CFAP43: variants seen among roughly 807,000 people sequenced by gnomAD.
CFAP43 encodes the protein cilia- and flagella-associated protein 43.
A neutral mutation model predicts 218.9 loss-of-function variants in CFAP43; 155 were observed. The ratio of observed to expected loss-of-function variants is 0.71; its 90% CI spans 0.62 to 0.81. The LOEUF (loss-of-function observed/expected upper bound fraction) is 0.81, where lower values mean the gene tolerates loss of function less well. CFAP43 is among the 30% of genes least tolerant of loss of function. CFAP43 has a pLI of 0.00. For synonymous variants in CFAP43, 645 were observed against 681.3 expected, an observed-to-expected ratio of 0.95 and a Z score of 0.83; for missense variants, 1,778 against 1,954.3, an observed-to-expected ratio of 0.91 and a Z score of 1.70.
intron 16 of CFAP43, among the ~76,000 whole-genome samples, chr10:104,183,294 C>A (rs953034601): frequency 3.9e-5 from 6 of 152,058 alleles, no homozygotes; most frequent in African/African-American, 1.4e-4. Context: ...ACAGATGCTA[C>A]AGACCCCCTA....
At chr10:104,210,835 G>C (rs1176545766) in intron 5 of CFAP43, among the ~76,000 whole-genome samples, 2 of 124,174 alleles carry the variant, frequency 1.6e-5, no homozygotes, top group Non-Finnish European at 3.1e-5. Context: ...CTGTCGCCCA[G>C]GCTGGAGTGC....
chr10:104,135,683 A>T (rs925015737), intron 34 of CFAP43, among the ~76,000 whole-genome samples: 13 of 152,220 alleles, frequency 8.5e-5, no homozygotes, highest in African/African-American at 3.1e-4. Flanking sequence ...AAGTGTGTGT[A>T]CAAAGAAACC....
At chr10:104,146,131 T>A (rs1421268607) in intron 30 of CFAP43, 132 bp downstream of exon 30, 1 of 635,430 alleles carries the variant, frequency 1.6e-6, no homozygotes, top group Admixed American at 3.1e-5. Flanking sequence ...TAGAATGAAG[T>A]TCACCCATAG....
At position 104,179,833 on chromosome 10, in the gene CFAP43, C is replaced by T. The variant is rs766142826; in HGVS notation, c.2382+7G>A. 1 of 1,610,150 alleles carries T rather than the reference C, an allele frequency of 6.2e-7. No individual in the cohort carries two copies. Among genetic ancestry groups the T allele is most frequent in the Non-Finnish European group, 8.5e-7 (1 of 1,177,186 alleles). On this transcript the variant is annotated splice_region_variant and intron_variant, in intron 18 of 37. Coordinates refer to ENST00000357060, the MANE Select transcript of CFAP43 (RefSeq NM_025145.7). ...TATTTCAAACCTACCCCATGTTTCA[C>T]AAATACCTCTTGGCTTTTTTGTTGT...
At chr10:104,150,839 A>G (rs915389488) in intron 28 of CFAP43, among the ~76,000 whole-genome samples, 1 of 152,066 alleles carries the variant, frequency 6.6e-6, no homozygotes, top group Admixed American at 6.6e-5. Flanking sequence ...GTCACCAGGT[A>G]CTAAGCCTAG....
chr10:104,148,622 C>A (rs2088097030), intron 28 of CFAP43, among the ~76,000 whole-genome samples: 1 of 152,136 alleles, frequency 6.6e-6, no homozygotes, highest in Admixed American at 6.5e-5. Context: ...GAGGATGGCA[C>A]TCCCCTGCAC....
At chr10:104,184,627 C>T (rs1055616423) in intron 16 of CFAP43, among the ~76,000 whole-genome samples, 9 of 152,054 alleles carry the variant, frequency 5.9e-5, no homozygotes, top group Admixed American at 5.9e-4. Context: ...CTCTAGTGGG[C>T]TTTCACAATC....
intron 19 of CFAP43, among the ~76,000 whole-genome samples, chr10:104,177,339 G>A (rs956325709): frequency 7.2e-5 from 11 of 152,150 alleles, no homozygotes; most frequent in Non-Finnish European, 1.5e-4. Context: ...TAGGTCTGAA[G>A]GGCAAAGGCT....
Position 104,179,806 on chromosome 10 carries a change from A to G in CFAP43, c.2382+34T>C, listed in dbSNP as rs374575895. 5 of 1,493,946 alleles carry G rather than the reference A, an allele frequency of 3.3e-6. No homozygotes were observed. The African/African-American group carries it at 6.9e-5, about 21-fold the overall frequency. 92.5% of individuals were successfully genotyped at this position (1,493,946 alleles called of 1,614,324 possible). A position where few individuals can be genotyped will look rare whatever the true frequency, so the allele number is the denominator to read the frequency against. On this transcript the variant is annotated intron_variant, in intron 18 of 37. Transcript: ENST00000357060. ...AATCTATTTGGTGCATCTACAGAGC[A>G]CTATTTCAAACCTACCCCATGTTTC...
At chr10:104,224,665 G>C (rs2091264908) in intron 3 of CFAP43, among the ~76,000 whole-genome samples, 1 of 144,110 alleles carries the variant, frequency 6.9e-6, no homozygotes, top group African/African-American at 2.6e-5. Context: ...TGAGGCAGGA[G>C]AATTGCTTGA....
chr10:104,190,110 T>G (rs1375983649), intron 12 of CFAP43, among the ~76,000 whole-genome samples: 1 of 123,974 alleles, frequency 8.1e-6, no homozygotes, highest in Non-Finnish European at 1.6e-5. Flanking sequence ...CACTCCAGCC[T>G]GGGCGACAGA....
chr10:104,179,150 TCAGA>T (rs759451065), intron 18 of CFAP43, 44 bp from the exon 19 acceptor site: 11 of 1,440,230 alleles, frequency 7.6e-6, no homozygotes, highest in South Asian at 4.8e-5. Context: ...AAGAGAAATA[TCAGA>T]CAGAGAGAGA....
At chr10:104,134,749 A>T (rs1284874758) in intron 34 of CFAP43, among the ~76,000 whole-genome samples, 7 of 152,140 alleles carry the variant, frequency 4.6e-5, no homozygotes, top group African/African-American at 1.7e-4. Flanking sequence ...AAACCTCCCA[A>T]AAAAGAAAAG....
intron 8 of CFAP43, among the ~76,000 whole-genome samples, chr10:104,198,805 T>G (rs1401244779): frequency 6.6e-6 from 1 of 151,722 alleles, no homozygotes; most frequent in East Asian, 1.9e-4. Flanking sequence ...TGCCCGCCAC[T>G]GTGCTCGGCT....
chr10:104,192,598 T>G, intron 11 of CFAP43: 1 of 313,656 alleles, frequency 3.2e-6, no homozygotes, highest in Non-Finnish European at 5.8e-6. Flanking sequence ...TAGAGCTTTC[T>G]TGATGTTTCA....
intron 19 of CFAP43, among the ~76,000 whole-genome samples, chr10:104,177,611 T>C (rs1221218869): frequency 6.6e-6 from 1 of 152,152 alleles, no homozygotes; most frequent in South Asian, 2.1e-4. Flanking sequence ...GGCCAGCCTC[T>C]TGGGGCTCAA....
At chr10:104,140,748 T>G (rs1053369576) in intron 34 of CFAP43, 94 bp downstream of exon 34, 20 of 1,018,146 alleles carry the variant, frequency 2.0e-5, no homozygotes, top group Non-Finnish European at 2.6e-5. Context: ...AGCTAAGGGT[T>G]AAGGCTGCAG....
chr10:104,190,905 C>T (rs184873137), intron 12 of CFAP43, among the ~76,000 whole-genome samples: 19 of 152,318 alleles, frequency 1.2e-4, no homozygotes, highest in East Asian at 3.9e-4. Flanking sequence ...AGCCTCGCTT[C>T]GCCTCAATTG....
At chr10:104,212,206 A>C in intron 4 of CFAP43, 49 bp from the exon 5 acceptor site, 1 of 1,575,224 alleles carries the variant, frequency 6.3e-7, no homozygotes, top group South Asian at 1.2e-5. Context: ...GAAACTTCTT[A>C]TTGATGCAAC....
Sources: allele counts gnomAD v4.1 joint callset (sites outside exome capture counted in the v4.1 genomes callset), GRCh38; gene constraint gnomAD v4.1.1; transcripts MANE v1.5; gene names NCBI Gene and HGNC (gene_info 2026-07-23, HGNC 2026-07-21).